PLGRKT: variants seen among roughly 807,000 people sequenced by gnomAD.
The protein encoded by PLGRKT is plasminogen receptor (KT).
Under a neutral mutation model 18.5 loss-of-function variants are expected in PLGRKT, and 22 were observed. The ratio of observed to expected loss-of-function variants is 1.19; its 90% CI spans 0.85 to 1.70. The LOEUF is 1.70. PLGRKT is among the 40% of genes most tolerant of loss of function. The pLI, the probability that PLGRKT is intolerant of heterozygous loss-of-function variation, is 0.00. For missense variants in PLGRKT, 235 were observed against 174.4 expected (o/e 1.35, Z -1.96); for synonymous variants, 72 against 52.8 (o/e 1.36, Z -1.58).
intron 3 of PLGRKT, among the ~76,000 whole-genome samples, chr9:5,365,144 C>A (rs1333958925): frequency 1.3e-5 from 2 of 152,028 alleles, no homozygotes; most frequent in African/African-American, 4.8e-5. Flanking sequence ...TAAACCAGGG[C>A]TCCTTAGAGA....
intron 3 of PLGRKT, among the ~76,000 whole-genome samples, chr9:5,414,236 G>A (rs985015823): frequency 6.6e-6 from 1 of 152,122 alleles, no homozygotes; most frequent in African/African-American, 2.4e-5. Flanking sequence ...GTGCAATCTC[G>A]CCTCACTGCA....
chr9:5,360,965 G>GCTCA (rs777960619), intron 5 of PLGRKT, 113 bp downstream of exon 5: 22 of 640,316 alleles, frequency 3.4e-5, no homozygotes, highest in Non-Finnish European at 5.5e-5. Flanking sequence ...CTCATTGGAG[G>GCTCA]TTCAAAGAGA....
At chr9:5,390,972 T>C (rs1817939197) in intron 3 of PLGRKT, among the ~76,000 whole-genome samples, 1 of 151,896 alleles carries the variant, frequency 6.6e-6, no homozygotes, top group South Asian at 2.1e-4. Flanking sequence ...GGTTTTCTTG[T>C]TTTTTGTTTG....
chr9:5,374,819 A>C (rs1817597379), intron 3 of PLGRKT, among the ~76,000 whole-genome samples: 1 of 152,238 alleles, frequency 6.6e-6, no homozygotes, highest in Non-Finnish European at 1.5e-5. Flanking sequence ...ATATTCCTAT[A>C]TGATCACAAA....
At chr9:5,431,844 TAG>T (rs1818832568) in intron 3 of PLGRKT, 51 bp downstream of exon 3, 2 of 852,468 alleles carry the variant, frequency 2.3e-6, no homozygotes, top group Admixed American at 3.8e-5. Flanking sequence ...GTACATGTGG[TAG>T]AAACTTTAAG....
At chr9:5,419,977 T>C (rs1050795217) in intron 3 of PLGRKT, among the ~76,000 whole-genome samples, 8 of 152,094 alleles carry the variant, frequency 5.3e-5, no homozygotes, top group African/African-American at 1.9e-4. Context: ...AACCCAAATA[T>C]CCACCAACAT....
intron 3 of PLGRKT, among the ~76,000 whole-genome samples, chr9:5,392,048 T>C (rs950539007): frequency 2.6e-5 from 4 of 151,874 alleles, no homozygotes; most frequent in African/African-American, 4.9e-5. Flanking sequence ...CCATGAGACC[T>C]AGAGGGGGAA....
intron 3 of PLGRKT, among the ~76,000 whole-genome samples, chr9:5,403,224 CTTTTTT>C (rs34557029): frequency 1.5e-5 from 2 of 135,172 alleles, no homozygotes; most frequent in African/African-American, 2.8e-5. Context: ...ATTCTTTTTT[CTTTTTT>C]TTTTTTTTTT....
chr9:5,358,691 A>G (rs1318957086), intron 5 of PLGRKT, among the ~76,000 whole-genome samples: 1 of 152,240 alleles, frequency 6.6e-6, no homozygotes, highest in Non-Finnish European at 1.5e-5. Flanking sequence ...GAAACCACAC[A>G]TAGTCTTTCC....
intron 3 of PLGRKT, among the ~76,000 whole-genome samples, chr9:5,413,255 G>A (rs976348038): frequency 1.3e-5 from 2 of 152,114 alleles, no homozygotes; most frequent in African/African-American, 4.8e-5. Context: ...AAAGAACAAA[G>A]TTATTCATTG....
intron 3 of PLGRKT, among the ~76,000 whole-genome samples, chr9:5,402,360 C>T (rs564025844): frequency 6.6e-6 from 1 of 151,948 alleles, no homozygotes; most frequent in Non-Finnish European, 1.5e-5. Flanking sequence ...ACCATGAACT[C>T]TTTTAGGCTA....
At chr9:5,377,197 C>A (rs2131086380) in intron 3 of PLGRKT, among the ~76,000 whole-genome samples, 1 of 150,834 alleles carries the variant, frequency 6.6e-6, no homozygotes, top group Non-Finnish European at 1.5e-5. Context: ...GACACACTGT[C>A]AAGTGCAAAA....
chr9:5,387,095 A>G (rs1586717415), intron 3 of PLGRKT, among the ~76,000 whole-genome samples: 1 of 152,024 alleles, frequency 6.6e-6, no homozygotes, highest in East Asian at 1.9e-4. Flanking sequence ...GCAGGTTCTG[A>G]TTATGTAGAC....
At chr9:5,426,519 C>A (rs1441279933) in intron 3 of PLGRKT, among the ~76,000 whole-genome samples, 1 of 152,182 alleles carries the variant, frequency 6.6e-6, no homozygotes, top group Non-Finnish European at 1.5e-5. Flanking sequence ...AGTTAGAACA[C>A]TGGTTCAACC....
At chr9:5,367,103 C>G (rs1208175844) in intron 3 of PLGRKT, among the ~76,000 whole-genome samples, 1 of 149,772 alleles carries the variant, frequency 6.7e-6, no homozygotes, top group Non-Finnish European at 1.5e-5. Flanking sequence ...ACAGCACAAA[C>G]AAATGAAAGA....
intron 3 of PLGRKT, among the ~76,000 whole-genome samples, chr9:5,387,667 T>G (rs979903080): frequency 7.7e-6 from 1 of 129,042 alleles, no homozygotes; most frequent in South Asian, 2.8e-4. Context: ...GGAAGCCTCC[T>G]GCGGGGGGGC....
intron 3 of PLGRKT, 60 bp downstream of exon 3, chr9:5,431,837 C>T (rs1321798904): frequency 1.3e-6 from 1 of 797,784 alleles, no homozygotes; most frequent in Non-Finnish European, 2.2e-6. Context: ...GGCTGGAGTA[C>T]ATGTGGTAGA....
chr9:5,428,971 G>C (rs879379796), intron 3 of PLGRKT, among the ~76,000 whole-genome samples: 1 of 152,150 alleles, frequency 6.6e-6, no homozygotes, highest in African/African-American at 2.4e-5. Context: ...CAGTGTGCTG[G>C]GATTACAGGT....
At chr9:5,371,123 G>T (rs1817506337) in intron 3 of PLGRKT, among the ~76,000 whole-genome samples, 2 of 152,236 alleles carry the variant, frequency 1.3e-5, no homozygotes, top group African/African-American at 4.8e-5. Context: ...TAAACAATAA[G>T]GTTGCCATAT....
Sources: allele counts gnomAD v4.1 joint callset (sites outside exome capture counted in the v4.1 genomes callset), GRCh38; gene constraint gnomAD v4.1.1; transcripts MANE v1.5; gene names NCBI Gene and HGNC (gene_info 2026-07-23, HGNC 2026-07-21).